The following MSH5 variants were observed in gnomAD, a reference collection of about 807,000 sequenced individuals.
MSH5 encodes the protein mutS protein homolog 5.
In MSH5, 78 loss-of-function variants were observed where a neutral mutation model predicts 107.7. That is an observed-to-expected ratio of 0.72 (90% CI 0.60 to 0.87). MSH5 has a LOEUF of 0.87. MSH5 is among the 40% of genes least tolerant of loss of function. The pLI, the probability that MSH5 is intolerant of heterozygous loss-of-function variation, is 0.00. For synonymous variants in MSH5, 326 were observed against 399.5 expected (o/e 0.82, Z 2.19); for missense variants, 889 against 1,046.6 (o/e 0.85, Z 2.08).
chr6:31,762,369 G>A, intron 24 of MSH5, 51 bp from the exon 25 acceptor site: 1 of 1,430,160 alleles, frequency 7.0e-7, no homozygotes, highest in Non-Finnish European at 9.9e-7. Flanking sequence ...TCTGCCCAGG[G>A]ATTTGGTTGT....
intron 3 of MSH5, 139 bp downstream of exon 3, chr6:31,741,425 C>T: frequency 8.2e-7 from 1 of 1,213,278 alleles, no homozygotes; most frequent in Non-Finnish European, 1.1e-6. Flanking sequence ...GTTACCCAGG[C>T]TCAAGTGCAG....
chr6:31,753,359 A>G lies in MSH5; in HGVS notation c.871A>G (p.Ile291Val), dbSNP rs745544583. 14 of 1,614,120 alleles carry G rather than the reference A, an allele frequency of 8.7e-6. No individual in the cohort carries two copies. Among genetic ancestry groups the G allele is most frequent in the Non-Finnish European group, 1.2e-5 (14 of 1,180,028 alleles). The stretch of plus-strand genomic sequence containing the variant: ...GGAGCTCAGTTCTCGTCTGGACGTC[A>G]TTCAGTTTTTTCTGCTGCCCCAGAA... ...LGELSSRLDV[I>V]QFFLLPQNLD... is the part of the protein sequence containing the mutation. The change falls in exon 11 of 25, where the codon ATT (isoleucine) becomes GTT (valine). Residue 291 changes from isoleucine to valine, a missense_variant. Ile to Val is a conservative substitution (Grantham distance 29, BLOSUM62 3). Around this residue, in one of 3 missense-constraint regions of MSH5, gnomAD observed 518 missense variants for 565.0 expected, o/e 0.92. Transcript: ENST00000375750.
At chr6:31,754,805 G>A (rs1317863900) in intron 12 of MSH5, among the ~76,000 whole-genome samples, 1 of 144,216 alleles carries the variant, frequency 6.9e-6, no homozygotes. Flanking sequence ...AGGCTGGAGT[G>A]CAGTGGCATG....
Position 31,740,595 on chromosome 6 carries a change from G to A in MSH5, c.129G>A (p.Glu43=). 6.6e-7 allele frequency: 1 copy of A among 1,507,462 alleles called. No homozygotes were observed. 93.4% of individuals were successfully genotyped at this position (1,507,462 alleles called of 1,614,324 possible). A position where few individuals can be genotyped will look rare whatever the true frequency, so the allele number is the denominator to read the frequency against. The change falls in exon 2 of 25, where the codon GAG becomes GAA. Residue 43 remains glutamate (E), a synonymous_variant. Coordinates refer to ENST00000375750, the MANE Select transcript of MSH5 (RefSeq NM_172166.4). This position sits in a 1 kb window ranked among gnomAD's most constrained non-coding sequence, Gnocchi z 4.4. ...PREAEEEEVE[E]EEELAEIHLC... ...AGGCCGAGGAGGAGGAAGTCGAGGA[G>A]GAGGAGGAGCTGGCCGAGGTCTCTG...
Position 31,759,704 on chromosome 6 carries a change from T to A in MSH5, c.1496-82T>A. The A allele has an allele frequency of 1.3e-6, 2 of 1,499,924 alleles. No homozygotes were observed. The highest frequency in any genetic ancestry group is 9.1e-7 in the Non-Finnish European group (1 of 1,099,214). 92.9% of individuals were successfully genotyped at this position (1,499,924 alleles called of 1,614,324 possible). A position where few individuals can be genotyped will look rare whatever the true frequency, so the allele number is the denominator to read the frequency against. ...TCTCAGATTGTATCTGCAACCTGTT[T>A]CCAGATCCCCCTAGGGGCCTCTGCC... is the stretch of plus-strand genomic sequence containing the variant. On this transcript the variant is annotated intron_variant, in intron 17 of 24. Coordinates refer to ENST00000375750, the MANE Select transcript of MSH5 (RefSeq NM_172166.4). The surrounding 1 kb of genome is among the most constrained non-coding windows in gnomAD (Gnocchi z 4.7).
Position 31,740,606 on chromosome 6 carries a change from T to C in MSH5, c.140T>C (p.Leu47Pro), listed in dbSNP as rs1456552413. The change falls in exon 2 of 25, where the codon CTG becomes CCG. Residue 47 changes from leucine to proline, a missense_variant. Physicochemically the swap from Leu to Pro is moderately conservative, Grantham distance 98 (BLOSUM62 -3). Coordinates refer to ENST00000375750, the MANE Select transcript of MSH5 (RefSeq NM_172166.4). The surrounding 1 kb of genome is among the most constrained non-coding windows in gnomAD (Gnocchi z 4.4). Reference protein sequence around the residue: ...EEEEVEEEEELAEIHLCVLWN... With the variant: ...EEEEVEEEEEPAEIHLCVLWN... The stretch of plus-strand genomic sequence containing the variant: ...GAGGAAGTCGAGGAGGAGGAGGAGC[T>C]GGCCGAGGTCTCTGAGGGGAGTAGA... 6.6e-7 allele frequency: 1 copy of C among 1,504,188 alleles called. No individual in the cohort carries two copies. Among genetic ancestry groups the C allele is most frequent in the African/African-American group, 1.4e-5 (1 of 69,844 alleles). 93.2% of individuals were successfully genotyped at this position (1,504,188 alleles called of 1,614,324 possible).
In MSH5 at chr6:31,761,670, G is replaced by C. The variant is rs1811013077; in HGVS notation, c.2181+55G>C. 1.2e-6 allele frequency: 2 copies of C among 1,613,166 alleles called. No individual in the cohort carries two copies. ...CCCCCAGGCTGGGCATTTCCCAGAG[G>C]TGGGGATTGGCTCCTCTATCAGAAC... On this transcript the variant is annotated intron_variant, in intron 22 of 24. Transcript: ENST00000375750. This position sits in a 1 kb window ranked among gnomAD's most constrained non-coding sequence, Gnocchi z 5.3.
intron 10 of MSH5, 38 bp downstream of exon 10, chr6:31,747,470 A>C: frequency 6.3e-7 from 1 of 1,595,536 alleles, no homozygotes; most frequent in Non-Finnish European, 8.6e-7. Flanking sequence ...CTAATGCATG[A>C]ATTCCATATG....
intron 10 of MSH5, among the ~76,000 whole-genome samples, chr6:31,750,715 C>T (rs1809875946): frequency 6.6e-6 from 1 of 152,196 alleles, no homozygotes; most frequent in Non-Finnish European, 1.5e-5. Context: ...ACCTGAAACC[C>T]ACCCTTGAAG....
Position 31,760,047 on chromosome 6 carries a change from C to T in MSH5, c.1686-43C>T. Reference sequence around the variant, plus strand: ...CTACATCTTCTGGGGGTTCATCTATCTTGATCCACAAGCCATGCGAGGTGC... The same window carrying T: ...CTACATCTTCTGGGGGTTCATCTATTTTGATCCACAAGCCATGCGAGGTGC... On this transcript the variant is annotated intron_variant, in intron 18 of 24. Transcript: ENST00000375750. The surrounding 1 kb of genome is among the most constrained non-coding windows in gnomAD (Gnocchi z 5.6). The T allele has an allele frequency of 6.2e-7, 1 of 1,607,048 alleles. No individual in the cohort carries two copies. The highest frequency in any genetic ancestry group is 1.7e-4 in the Middle Eastern group (1 of 6,026).
chr6:31,753,482 A>G, intron 11 of MSH5, 43 bp downstream of exon 11: 1 of 1,612,228 alleles, frequency 6.2e-7, no homozygotes, highest in Non-Finnish European at 8.5e-7. Context: ...AAGGAGGTTG[A>G]GGGCTGATAC....
At position 31,755,432 on chromosome 6, in the gene MSH5, G is replaced by A. The variant is rs541694409; in HGVS notation, c.1014+1803G>A. On this transcript the variant is annotated intron_variant, in intron 12 of 24. Coordinates refer to ENST00000375750, the MANE Select transcript of MSH5 (RefSeq NM_172166.4). ...GGCTGGAGTGCAATGGTGTGATCTC[G>A]GCTCACCGCAACCTCCACCTCCTGG... 1.3e-3 allele frequency among the ~76,000 whole-genome samples: 195 copies of A among 151,150 alleles called. 1 individual carries two copies. In the Middle Eastern group the frequency reaches 0.021, roughly 16 times the overall value.
chr6:31,746,397 G>C (rs529699959), intron 9 of MSH5: 4 of 150,492 alleles, frequency 2.7e-5, no homozygotes, highest in Admixed American at 6.6e-5. Context: ...GCGCCCGGCC[G>C]TCCAGTTTTT....
Position 31,741,169 on chromosome 6 carries a change from C to A in MSH5, c.154C>A (p.Leu52Met). The A allele has an allele frequency of 1.2e-6, 2 of 1,612,978 alleles. No individual in the cohort carries two copies. Among genetic ancestry groups the A allele is most frequent in the Non-Finnish European group, 1.7e-6 (2 of 1,180,006 alleles). Residue 52 changes from leucine (L) to methionine (M), a missense_variant, in exon 3 of 25, where the codon CTG (leucine) becomes ATG (methionine). Physicochemically the swap from Leu to Met is conservative, Grantham distance 15. Around this residue, in one of 3 missense-constraint regions of MSH5, gnomAD observed 518 missense variants for 565.0 expected, o/e 0.92. Coordinates refer to ENST00000375750, the MANE Select transcript of MSH5 (RefSeq NM_172166.4). ...EEEEELAEIH[L>M]CVLWNSGYLG... ...TTTCTTCCTTGCTGGACAGATCCATCTGTGTGTGCTGTGGAATTCAGGATA... is the reference window on the plus strand; with the variant it reads ...TTTCTTCCTTGCTGGACAGATCCATATGTGTGTGCTGTGGAATTCAGGATA...
At chr6:31,746,008 C>T (rs4947330) in intron 9 of MSH5, 4,096 of 151,864 alleles carry the variant, frequency 0.027, 161 homozygotes, top group African/African-American at 0.086. Context: ...CCTCGTGATC[C>T]GTCCACCTCG....
chr6:31,755,533 TG>T (rs984713669), intron 12 of MSH5, among the ~76,000 whole-genome samples: 3 of 152,118 alleles, frequency 2.0e-5, no homozygotes, highest in African/African-American at 7.2e-5. Flanking sequence ...CAGCTAATTT[TG>T]TATTTTTAGT....
chr6:31,741,114 C>T (rs758942615), intron 2 of MSH5, 49 bp from the exon 3 acceptor site: 2 of 1,604,270 alleles, frequency 1.2e-6, no homozygotes, highest in South Asian at 2.2e-5. Flanking sequence ...GTAAACCCTA[C>T]ACTTATGAGT....
rs1809036256 is a variant in MSH5 at position 31,742,867 on chromosome 6, T to G, written c.272-10T>G. The G allele has an allele frequency of 1.9e-6, 3 of 1,612,238 alleles. No homozygotes were observed. In the African/African-American group the frequency reaches 4.0e-5, roughly 22 times the overall value. Reference sequence around the variant, plus strand: ...CCTTTAACTCATTTGATCTCTGTTCTCCTTCCAAGTTCTGGATGAGATCAA... The same window carrying G: ...CCTTTAACTCATTTGATCTCTGTTCGCCTTCCAAGTTCTGGATGAGATCAA... On this transcript the variant is annotated splice_polypyrimidine_tract_variant and intron_variant, in intron 3 of 24. Coordinates refer to ENST00000375750, the MANE Select transcript of MSH5 (RefSeq NM_172166.4).
At chr6:31,750,740 C>T (rs1178463025) in intron 10 of MSH5, among the ~76,000 whole-genome samples, 3 of 152,134 alleles carry the variant, frequency 2.0e-5, no homozygotes, top group Non-Finnish European at 4.4e-5. Context: ...CTGGATGCTC[C>T]GCTTCATTCA....
Sources: allele counts gnomAD v4.1 joint callset (sites outside exome capture counted in the v4.1 genomes callset), GRCh38; gene constraint gnomAD v4.1.1; regional missense constraint gnomAD v4.1.1; non-coding constraint Gnocchi (gnomAD v3.1); transcripts MANE v1.5; gene names NCBI Gene and HGNC (gene_info 2026-07-23, HGNC 2026-07-21).